EDN1: variants seen among roughly 807,000 people sequenced by gnomAD.
EDN1 encodes the protein endothelin-1.
EDN1 carries 11 observed loss-of-function variants against 21.7 expected under a neutral mutation model. The ratio of observed to expected loss-of-function variants is 0.51; its 90% CI spans 0.32 to 0.84. EDN1 has a LOEUF of 0.84. Among genes scored for constraint, EDN1 ranks in the 40% least tolerant of loss-of-function variants. The probability of loss-of-function intolerance (pLI) is 0.03; values close to 1 mark genes in which losing one functional copy is unlikely to be tolerated. For synonymous variants in EDN1, 85 were observed against 90.6 expected, an observed-to-expected ratio of 0.94 and a Z score of 0.35; for missense variants, 244 against 262.3, an observed-to-expected ratio of 0.93 and a Z score of 0.48.
Position 12,293,922 on chromosome 6 carries a change from TTC to T in EDN1, c.234-13_234-12del, listed in dbSNP as rs10478721. On this transcript the variant is annotated splice_polypyrimidine_tract_variant and intron_variant, in intron 2 of 4. Coordinates refer to ENST00000379375, the MANE Select transcript of EDN1 (RefSeq NM_001955.5). Reference sequence around the variant, plus strand: ...TATTAATTACACTAATATAGTTTCTTTCTCTCTTTGGATAATAGGCACGTTGT... The same window carrying T: ...TATTAATTACACTAATATAGTTTCTTTCTCTTTGGATAATAGGCACGTTGT... 1,560 of 1,613,948 alleles carry T rather than the reference TTC, an allele frequency of 9.7e-4. 6 individuals carry two copies. The African/African-American group carries it at 0.011, about 12-fold the overall frequency.
chr6:12,232,662 G>A, the EDN1 span, among the ~76,000 whole-genome samples: 1 of 152,144 alleles, frequency 6.6e-6, no homozygotes, highest in Non-Finnish European at 1.5e-5. Flanking sequence ...AGATGAAATT[G>A]CATCTATTAA....
the EDN1 span, among the ~76,000 whole-genome samples, chr6:12,282,850 G>A: frequency 2.0e-5 from 3 of 152,144 alleles, no homozygotes; most frequent in Admixed American, 6.5e-5. Context: ...TGCAAGTCAC[G>A]TGTGAGAAAG....
chr6:12,250,687 A>T, the EDN1 span, among the ~76,000 whole-genome samples: 1 of 152,084 alleles, frequency 6.6e-6, no homozygotes, highest in Non-Finnish European at 1.5e-5. Flanking sequence ...GAGCACATTA[A>T]CTCTCCTTGT....
the EDN1 span, among the ~76,000 whole-genome samples, chr6:12,251,527 G>C: frequency 6.6e-6 from 1 of 152,182 alleles, no homozygotes; most frequent in South Asian, 2.1e-4. Flanking sequence ...ATATTTACTT[G>C]TGAAACGTGC....
chr6:12,239,642 C>T, the EDN1 span, among the ~76,000 whole-genome samples: 1 of 152,152 alleles, frequency 6.6e-6, no homozygotes, highest in African/African-American at 2.4e-5. Context: ...GGTGCAGTGA[C>T]TCGCACCTCT....
At chr6:12,282,516 C>T in the EDN1 span, among the ~76,000 whole-genome samples, 1 of 152,312 alleles carries the variant, frequency 6.6e-6, no homozygotes, top group East Asian at 1.9e-4. Context: ...TTGCTTTTCT[C>T]ACACTCCAGG....
At chr6:12,251,260 C>T in the EDN1 span, among the ~76,000 whole-genome samples, 2 of 152,158 alleles carry the variant, frequency 1.3e-5, no homozygotes, top group East Asian at 3.8e-4. Context: ...TAATGGTAGA[C>T]AACTCTTTAG....
chr6:12,293,837 A>G (rs1762751933), intron 2 of EDN1, 104 bp from the exon 3 acceptor site: 2 of 1,298,160 alleles, frequency 1.5e-6, no homozygotes. Flanking sequence ...CCCAAGTGCT[A>G]TGTGATGAGC....
upstream of EDN1, among the ~76,000 whole-genome samples, chr6:12,286,848 T>A (rs1762565385): frequency 8.5e-5 from 13 of 152,170 alleles, no homozygotes; most frequent in Admixed American, 8.5e-4. Context: ...GAGTGGTGGC[T>A]CACGCCTGTA....
the EDN1 span, among the ~76,000 whole-genome samples, chr6:12,276,997 C>T: frequency 1.3e-5 from 2 of 152,162 alleles, no homozygotes; most frequent in East Asian, 1.9e-4. Flanking sequence ...AAAGGAGGAA[C>T]AGGGACTTTG....
the EDN1 span, among the ~76,000 whole-genome samples, chr6:12,236,193 C>A: frequency 4.3e-4 from 65 of 152,296 alleles, no homozygotes; most frequent in East Asian, 0.012. Flanking sequence ...AAAGTATTAT[C>A]TCACTTTGTA....
At chr6:12,262,768 A>G in the EDN1 span, among the ~76,000 whole-genome samples, 4 of 150,780 alleles carry the variant, frequency 2.7e-5, no homozygotes, top group Non-Finnish European at 4.4e-5. Flanking sequence ...GTTACTTGGG[A>G]GGCTGAGGCA....
the EDN1 span, among the ~76,000 whole-genome samples, chr6:12,273,677 C>T: frequency 1.5e-5 from 2 of 133,864 alleles, no homozygotes; most frequent in Non-Finnish European, 3.1e-5. Context: ...GTTCAGGAAT[C>T]CACAGATGTC....
the EDN1 span, among the ~76,000 whole-genome samples, chr6:12,272,773 T>TACTCTTTAAGGAGTATG: frequency 6.6e-6 from 1 of 152,130 alleles, no homozygotes; most frequent in Non-Finnish European, 1.5e-5. Flanking sequence ...AGCTGAGTCA[T>TACTCTTTAAGGAGTATG]ACTCTTTAAG....
the EDN1 span, among the ~76,000 whole-genome samples, chr6:12,241,831 A>G: frequency 2.0e-5 from 3 of 152,332 alleles, no homozygotes; most frequent in South Asian, 6.2e-4. Context: ...TGCAAATTGC[A>G]TCAACATACT....
At chr6:12,294,891 T>C (rs1437058088) in intron 4 of EDN1, among the ~76,000 whole-genome samples, 1 of 149,896 alleles carries the variant, frequency 6.7e-6, no homozygotes, top group African/African-American at 2.4e-5. Context: ...TGGTAGAATT[T>C]AGAACATGCT....
the EDN1 span, among the ~76,000 whole-genome samples, chr6:12,241,295 A>G: frequency 1.3e-5 from 2 of 151,624 alleles, no homozygotes; most frequent in African/African-American, 4.8e-5. Context: ...CCTCCTGAGT[A>G]GCTGTTATTA....
At chr6:12,238,368 C>T in the EDN1 span, among the ~76,000 whole-genome samples, 7 of 152,074 alleles carry the variant, frequency 4.6e-5, no homozygotes, top group Admixed American at 6.6e-5. Flanking sequence ...TCAAGTCCTG[C>T]GTCATGGGGA....
the EDN1 span, among the ~76,000 whole-genome samples, chr6:12,247,166 T>A: frequency 6.6e-6 from 1 of 152,222 alleles, no homozygotes; most frequent in South Asian, 2.1e-4. Flanking sequence ...GCTCCTGCCA[T>A]GCCACAGGTG....
Sources: gnomAD v4.1 joint callset for allele counts (sites outside exome capture counted in the v4.1 genomes callset) on GRCh38, gnomAD v4.1.1 for gene constraint, MANE v1.5 for transcripts, NCBI Gene and HGNC (gene_info 2026-07-23, HGNC 2026-07-21) for gene names.